The following TRAPPC9 variants were observed in gnomAD, a reference collection of about 807,000 sequenced individuals.
The protein encoded by TRAPPC9 is IKK2 binding protein.
A neutral mutation model predicts 124.0 loss-of-function variants in TRAPPC9; 83 were observed. The ratio of observed to expected loss-of-function variants is 0.67; its 90% CI spans 0.56 to 0.80. TRAPPC9 has a LOEUF of 0.80. TRAPPC9 is among the 30% of genes least tolerant of loss of function. TRAPPC9 has a pLI of 0.00. For missense variants in TRAPPC9, 1,302 were observed against 1,508.3 expected (o/e 0.86, Z 2.27); for synonymous variants, 638 against 617.5 (o/e 1.03, Z -0.49).
intron 7 of TRAPPC9, among the ~76,000 whole-genome samples, chr8:140,392,979 T>C (rs2068971853): frequency 6.6e-6 from 1 of 152,210 alleles, no homozygotes; most frequent in Non-Finnish European, 1.5e-5. Flanking sequence ...TATTCTATCA[T>C]TCACAACTTA....
chr8:140,442,481 C>T (rs1382526964), intron 2 of TRAPPC9, among the ~76,000 whole-genome samples: 1 of 151,748 alleles, frequency 6.6e-6, no homozygotes, highest in Non-Finnish European at 1.5e-5. Flanking sequence ...CGCCGTAGTC[C>T]CAGCTACTCG....
rs540449739 is a variant in TRAPPC9, at chr8:139,763,215, C to T, written c.3056-31013G>A. Among the ~76,000 whole-genome samples the T allele has an allele frequency of 1.2e-3, 180 of 152,284 alleles. 1 individual carries two copies. Among genetic ancestry groups the T allele is most frequent in the African/African-American group, 3.1e-3 (129 of 41,550 alleles). On this transcript the variant is annotated intron_variant, in intron 21 of 22. Coordinates refer to ENST00000438773, the MANE Select transcript of TRAPPC9 (RefSeq NM_001160372.4). ...GCTTTATAGAGGAAAAAGAACAAGG[C>T]GCTGAGAGGGTAAGCCATTTGGTTA...
chr8:139,998,751 C>CA (rs766059701), intron 18 of TRAPPC9, among the ~76,000 whole-genome samples: 62 of 151,092 alleles, frequency 4.1e-4, no homozygotes, highest in African/African-American at 8.8e-4. Context: ...TAAAACAAAA[C>CA]AAAAAAAAAC....
intron 9 of TRAPPC9, among the ~76,000 whole-genome samples, chr8:140,352,030 C>A (rs1347933744): frequency 6.6e-6 from 1 of 152,154 alleles, no homozygotes; most frequent in African/African-American, 2.4e-5. Context: ...CCCACAAAGT[C>A]CCCCATTCCC....
chr8:140,399,801 G>T (rs891875681), intron 6 of TRAPPC9, among the ~76,000 whole-genome samples: 1 of 152,170 alleles, frequency 6.6e-6, no homozygotes, highest in African/African-American at 2.4e-5. Flanking sequence ...TTTGAAATGT[G>T]AGGACATGAG....
At chr8:140,346,827 G>C (rs898185827) in intron 9 of TRAPPC9, among the ~76,000 whole-genome samples, 1 of 152,218 alleles carries the variant, frequency 6.6e-6, no homozygotes, top group African/African-American at 2.4e-5. Flanking sequence ...TCTTGATGGG[G>C]ATTTATCTCC....
At chr8:139,808,159 T>C (rs1824196502) in intron 21 of TRAPPC9, among the ~76,000 whole-genome samples, 1 of 152,216 alleles carries the variant, frequency 6.6e-6, no homozygotes, top group Non-Finnish European at 1.5e-5. Context: ...AATTTACCCA[T>C]TTGAAGTATA....
chr8:140,007,977 C>G (rs965053397), intron 18 of TRAPPC9, among the ~76,000 whole-genome samples: 16 of 152,180 alleles, frequency 1.1e-4, no homozygotes, highest in Non-Finnish European at 1.8e-4. Flanking sequence ...AAGTGGATGA[C>G]ACATGGAACT....
intron 19 of TRAPPC9, among the ~76,000 whole-genome samples, chr8:139,951,243 C>G (rs1297567089): frequency 1.3e-5 from 2 of 152,246 alleles, no homozygotes; most frequent in South Asian, 4.1e-4. Context: ...CCCCACCGTT[C>G]TCTTCGAAGT....
chr8:140,370,348 A>G (rs1668346498), intron 8 of TRAPPC9, among the ~76,000 whole-genome samples: 1 of 152,076 alleles, frequency 6.6e-6, no homozygotes, highest in African/African-American at 2.4e-5. Flanking sequence ...CATGTTGGCC[A>G]GGCTGGTCAT....
intron 21 of TRAPPC9, among the ~76,000 whole-genome samples, chr8:139,790,486 C>A (rs1822583870): frequency 6.6e-6 from 1 of 152,188 alleles, no homozygotes; most frequent in African/African-American, 2.4e-5. Context: ...CATCTCTGCC[C>A]TGAGAGGCAG....
intron 17 of TRAPPC9, among the ~76,000 whole-genome samples, chr8:140,159,652 A>C (rs543650272): frequency 6.6e-6 from 1 of 152,346 alleles, no homozygotes; most frequent in African/African-American, 2.4e-5. Flanking sequence ...TGCAAATCCA[A>C]AGAAAATCGA....
chr8:140,392,125 A>C (rs1395175840), intron 7 of TRAPPC9, among the ~76,000 whole-genome samples: 1 of 152,218 alleles, frequency 6.6e-6, no homozygotes, highest in East Asian at 1.9e-4. Context: ...TTAGAACCCA[A>C]ATGGTTTAAA....
At chr8:139,998,603 T>C (rs575377825) in intron 18 of TRAPPC9, among the ~76,000 whole-genome samples, 152 of 152,272 alleles carry the variant, frequency 1.0e-3, no homozygotes, top group African/African-American at 3.5e-3. Flanking sequence ...GCACCTGTAG[T>C]CCCAGCTACT....
intron 9 of TRAPPC9, among the ~76,000 whole-genome samples, chr8:140,343,595 G>C (rs920281417): frequency 6.6e-6 from 1 of 152,182 alleles, no homozygotes; most frequent in African/African-American, 2.4e-5. Flanking sequence ...GGGGAAAGAA[G>C]GGAGGCTGGT....
At chr8:140,377,621 C>CTG (rs2068481586) in intron 7 of TRAPPC9, among the ~76,000 whole-genome samples, 1 of 152,070 alleles carries the variant, frequency 6.6e-6, no homozygotes, top group Admixed American at 6.6e-5. Context: ...TAAGTCTGTT[C>CTG]TCCATAAAAT....
chr8:140,078,003 G>C (rs1399463797), intron 17 of TRAPPC9, among the ~76,000 whole-genome samples: 2 of 152,142 alleles, frequency 1.3e-5, no homozygotes, highest in African/African-American at 4.8e-5. Context: ...TAGATACAAA[G>C]TGTGAAAAAC....
intron 17 of TRAPPC9, among the ~76,000 whole-genome samples, chr8:140,202,880 A>T (rs1177487175): frequency 6.6e-6 from 1 of 152,238 alleles, no homozygotes; most frequent in Non-Finnish European, 1.5e-5. Flanking sequence ...TTTGCATACA[A>T]ATTCTACTTT....
At chr8:139,853,772 G>A (rs1421973067) in intron 21 of TRAPPC9, among the ~76,000 whole-genome samples, 1 of 152,208 alleles carries the variant, frequency 6.6e-6, no homozygotes, top group Non-Finnish European at 1.5e-5. Context: ...AGCACCCAGG[G>A]TAGAGCCGGG....
Sources: gnomAD v4.1 joint callset for allele counts (sites outside exome capture counted in the v4.1 genomes callset) on GRCh38, gnomAD v4.1.1 for gene constraint, MANE v1.5 for transcripts, NCBI Gene and HGNC (gene_info 2026-07-23, HGNC 2026-07-21) for gene names.